Variants in TNNI3K observed in about 807,000 individuals in gnomAD.
TNNI3K encodes the protein TNNI3 interacting kinase, also known as serine/threonine-protein kinase TNNI3K.
Under a neutral mutation model 114.5 loss-of-function variants are expected in TNNI3K, and 140 were observed. The observed-to-expected ratio is 1.22, with a 90% CI of 1.07 to 1.41. The LOEUF (loss-of-function observed/expected upper bound fraction) is 1.41. TNNI3K is among the 40% of genes most tolerant of loss of function. TNNI3K has a pLI of 0.00. For synonymous variants in TNNI3K, 347 were observed against 347.5 expected (o/e 1.00, Z 0.02); for missense variants, 1,125 against 1,007.6 (o/e 1.12, Z -1.58).
At chr1:74,403,814 C>T (rs1664485569) in intron 17 of TNNI3K, among the ~76,000 whole-genome samples, 2 of 152,146 alleles carry the variant, frequency 1.3e-5, no homozygotes, top group South Asian at 4.1e-4. Context: ...AGTTGAAAGA[C>T]TTGGCTGAAG....
intron 2 of TNNI3K, among the ~76,000 whole-genome samples, chr1:74,236,981 A>C: frequency 6.6e-6 from 1 of 152,074 alleles, no homozygotes; most frequent in Middle Eastern, 3.4e-3. Context: ...TAATGCACTC[A>C]TGGCAAAGAA....
Position 74,355,760 on chromosome 1 carries a change from G to T in TNNI3K, c.1177+1631G>T, listed in dbSNP as rs573999620. On this transcript the variant is annotated intron_variant, in intron 11 of 24. Coordinates refer to ENST00000326637, the MANE Select transcript of TNNI3K (RefSeq NM_015978.3). ...AGACAAGGAGAAGGAAAAATGTACA[G>T]GTCTGAAGACTGCTAGTAGAAAAAT... Among the ~76,000 whole-genome samples, 3 of 152,218 alleles carry T rather than the reference G, an allele frequency of 2.0e-5. No individual in the cohort carries two copies. In the South Asian group the frequency reaches 6.2e-4, roughly 32 times the overall value.
At chr1:74,338,404 C>T (rs1192637243) in intron 7 of TNNI3K, among the ~76,000 whole-genome samples, 1 of 151,584 alleles carries the variant, frequency 6.6e-6, no homozygotes, top group East Asian at 1.9e-4. Flanking sequence ...TGAAAAATTT[C>T]TTTTTTTCGC....
chr1:74,304,935 T>C (rs138338237), intron 5 of TNNI3K, among the ~76,000 whole-genome samples: 20 of 152,322 alleles, frequency 1.3e-4, no homozygotes, highest in Admixed American at 9.1e-4. Flanking sequence ...AAATATCTTT[T>C]AGGTATGCCT....
chr1:74,445,859 C>T (rs547869101), intron 20 of TNNI3K, among the ~76,000 whole-genome samples: 13 of 152,254 alleles, frequency 8.5e-5, no homozygotes, highest in Non-Finnish European at 1.6e-4. Context: ...ATCCGCCCAC[C>T]TTGGCCTCCC....
At chr1:74,305,376 A>T (rs1477674958) in intron 5 of TNNI3K, among the ~76,000 whole-genome samples, 1 of 152,184 alleles carries the variant, frequency 6.6e-6, no homozygotes, top group Non-Finnish European at 1.5e-5. Context: ...ATGAAGAAAA[A>T]TAAGGAACCA....
intron 17 of TNNI3K, among the ~76,000 whole-genome samples, chr1:74,428,488 G>C (rs1665739324): frequency 6.6e-6 from 1 of 152,110 alleles, no homozygotes; most frequent in African/African-American, 2.4e-5. Context: ...GAGGTTCTCT[G>C]GCCTTTGGTA....
At chr1:74,526,215 G>T (rs2100426882) in intron 23 of TNNI3K, among the ~76,000 whole-genome samples, 1 of 152,184 alleles carries the variant, frequency 6.6e-6, no homozygotes, top group African/African-American at 2.4e-5. Context: ...TTTCTTGCAG[G>T]GATGTGAATT....
At chr1:74,335,277 T>A (rs1660406423) in intron 6 of TNNI3K, among the ~76,000 whole-genome samples, 1 of 152,156 alleles carries the variant, frequency 6.6e-6, no homozygotes, top group Non-Finnish European at 1.5e-5. Context: ...ATAAATCAGA[T>A]TCTAGATTCG....
Position 74,327,651 on chromosome 1 carries a change from A to G in TNNI3K, c.445-3799A>G, listed in dbSNP as rs969976312. On this transcript the variant is annotated intron_variant, in intron 5 of 24. Transcript: ENST00000326637. Reference sequence around the variant, plus strand: ...TTATATGTCAGATATGTCTTTTTATATATCAGTACTATTATTATTAAATAT... The same window carrying G: ...TTATATGTCAGATATGTCTTTTTATGTATCAGTACTATTATTATTAAATAT... 3.4e-5 allele frequency among the ~76,000 whole-genome samples: 3 copies of G among 89,042 alleles called. No individual in the cohort carries two copies. The East Asian group carries it at 1.6e-3, about 47-fold the overall frequency. The allele number at this position is 89,042 out of a possible 152,430, so 58.4% of individuals were successfully genotyped here. A position where few individuals can be genotyped will look rare whatever the true frequency, so the allele number is the denominator to read the frequency against.
In TNNI3K at chr1:74,347,044, C is replaced by A. The variant is rs545392890; in HGVS notation, c.932+3865C>A. Among the ~76,000 whole-genome samples the A allele has an allele frequency of 2.0e-5, 3 of 151,884 alleles. No homozygotes were observed. In the East Asian group the frequency reaches 5.8e-4, roughly 30 times the overall value. On this transcript the variant is annotated intron_variant, in intron 9 of 24. Transcript: ENST00000326637. Reference sequence around the variant, plus strand: ...CTTTAAGTTTTAGGGTACATGTGCACAACGGGCAGGTTTGTTACATATGTA... The same window carrying A: ...CTTTAAGTTTTAGGGTACATGTGCAAAACGGGCAGGTTTGTTACATATGTA...
chr1:74,449,596 G>A lies in TNNI3K; in HGVS notation c.2011+9974G>A, dbSNP rs539281184. Among the ~76,000 whole-genome samples, 20 of 151,814 alleles carry A rather than the reference G, an allele frequency of 1.3e-4. 1 individual carries two copies. Among genetic ancestry groups the A allele is most frequent in the Non-Finnish European group, 2.6e-4 (18 of 68,012 alleles). On this transcript the variant is annotated intron_variant, in intron 20 of 24. Transcript: ENST00000326637. Reference sequence around the variant, plus strand: ...AAATGGAAAACAAAAAAAGGCAGGGGTTGCAATCCTAGTCTTCGATAAAAC... The same window carrying A: ...AAATGGAAAACAAAAAAAGGCAGGGATTGCAATCCTAGTCTTCGATAAAAC...
chr1:74,530,896 G>A (rs1646573997), intron 23 of TNNI3K, among the ~76,000 whole-genome samples: 1 of 152,090 alleles, frequency 6.6e-6, no homozygotes, highest in Admixed American at 6.6e-5. Flanking sequence ...TTGAGAGGTG[G>A]TAGTGTTGTT....
At chr1:74,304,006 G>T (rs1163513529) in intron 5 of TNNI3K, among the ~76,000 whole-genome samples, 2 of 152,212 alleles carry the variant, frequency 1.3e-5, no homozygotes, top group African/African-American at 4.8e-5. Context: ...GACAAAACTT[G>T]ATTGGATGAG....
chr1:74,245,693 A>G lies in TNNI3K; in HGVS notation c.150-3766A>G, dbSNP rs1365163901. Among the ~76,000 whole-genome samples the G allele has an allele frequency of 2.0e-5, 3 of 152,238 alleles. 1 individual carries two copies. The highest frequency in any genetic ancestry group is 7.2e-5 in the African/African-American group (3 of 41,450). On this transcript the variant is annotated intron_variant, in intron 2 of 24. Transcript: ENST00000326637. ...TATTGGAATTTTAAAATAGAAAAAGAAAAAGTGCTATTCTCCAGGGTACTG... is the reference window on the plus strand; with the variant it reads ...TATTGGAATTTTAAAATAGAAAAAGGAAAAGTGCTATTCTCCAGGGTACTG...
At chr1:74,278,875 C>A (rs1375017489) in intron 5 of TNNI3K, among the ~76,000 whole-genome samples, 1 of 152,064 alleles carries the variant, frequency 6.6e-6, no homozygotes, top group Non-Finnish European at 1.5e-5. Context: ...TTGTGACTGG[C>A]TTCTTTTATT....
chr1:74,480,034 G>A (rs1570676413), intron 21 of TNNI3K: 2 of 609,642 alleles, frequency 3.3e-6, no homozygotes, highest in Non-Finnish European at 2.9e-6. Context: ...ACATCTACTG[G>A]CAACCTCTCC....
chr1:74,350,102 G>A (rs1418300962), intron 9 of TNNI3K, among the ~76,000 whole-genome samples: 1 of 151,884 alleles, frequency 6.6e-6, no homozygotes, highest in Non-Finnish European at 1.5e-5. Context: ...TTCTCTTGTG[G>A]GCATTCGGTG....
At position 74,463,459 on chromosome 1, in the gene TNNI3K, T is replaced by C. The variant is rs770875832; in HGVS notation, c.2030T>C (p.Met677Thr). 11 of 1,614,222 alleles carry C rather than the reference T, an allele frequency of 6.8e-6. No individual in the cohort carries two copies. Among genetic ancestry groups the C allele is most frequent in the Middle Eastern group, 1.7e-4 (1 of 6,060 alleles). Residue 677 changes from methionine to threonine, a missense_variant, in exon 21 of 25, where the codon ATG becomes ACG. Physicochemically the swap from Met to Thr is moderately conservative, Grantham distance 81. Coordinates refer to ENST00000326637, the MANE Select transcript of TNNI3K (RefSeq NM_015978.3). ...TTTGCAGCGGCTGCGGCAGCAGACA[T>C]GGCTTACCACCACATCAGACCTCCC... ...HLKPAAAAAD[M>T]AYHHIRPPIG... is the part of the protein sequence containing the mutation.
Sources: allele counts gnomAD v4.1 joint callset (sites outside exome capture counted in the v4.1 genomes callset), GRCh38; gene constraint gnomAD v4.1.1; transcripts MANE v1.5; gene names NCBI Gene and HGNC (gene_info 2026-07-23, HGNC 2026-07-21).